Variants in JPH1 observed in about 807,000 individuals in gnomAD.
The protein encoded by JPH1 is junctophilin 1, also known as junctophilin-1.
A neutral mutation model predicts 53.6 loss-of-function variants in JPH1; 12 were observed. The ratio of observed to expected loss-of-function variants is 0.22; its 90% CI spans 0.14 to 0.36. The LOEUF is 0.36. Ranked by LOEUF, JPH1 falls within the 10% of genes least tolerant of loss-of-function variation. JPH1 has a pLI of 1.00. For synonymous variants in JPH1, 375 were observed against 363.8 expected, an observed-to-expected ratio of 1.03 and a Z score of -0.35; for missense variants, 808 against 905.5, an observed-to-expected ratio of 0.89 and a Z score of 1.38.
Position 74,315,266 on chromosome 8 carries a change from A to G in JPH1, c.734T>C (p.Met245Thr). 1.2e-6 allele frequency: 2 copies of G among 1,614,166 alleles called. No homozygotes were observed. The highest frequency in any genetic ancestry group is 1.7e-5 in the Admixed American group (1 of 60,032). ...KRSSVRSDAA[M>T]SRISSSDANS... ...GGCATCGCTGGAACTAATTCTGCTC[A>G]TGGCCGCGTCGCTGCGGACAGAGCT... is the stretch of plus-strand genomic sequence containing the variant. Residue 245 changes from methionine to threonine, a missense_variant, in exon 2 of 6, where the codon ATG becomes ACG. Around this residue, in one of 2 missense-constraint regions of JPH1, gnomAD observed 756 missense variants for 811.9 expected, o/e 0.93. Coordinates refer to ENST00000342232, the MANE Select transcript of JPH1 (RefSeq NM_020647.4). This position sits in a 1 kb window ranked among gnomAD's most constrained non-coding sequence, Gnocchi z 6.3.
chr8:74,294,898 G>A (rs1228130371), intron 2 of JPH1, among the ~76,000 whole-genome samples: 1 of 152,204 alleles, frequency 6.6e-6, no homozygotes, highest in East Asian at 1.9e-4. Flanking sequence ...GCTGATGAGG[G>A]AGCCTGAGAC....
In JPH1 at chr8:74,245,166, T is replaced by G; in HGVS notation, c.1268A>C (p.Tyr423Ser). The change falls in exon 4 of 6, where the codon TAC (tyrosine) becomes TCC (serine). Residue 423 changes from tyrosine (Y) to serine (S), a missense_variant. Transcript: ENST00000342232. Reference sequence around the variant, plus strand: ...ACCTTCCTGAAATCTCTGTTTGACGTAATCAGGGCCTGGCCAAAAAAAAAA... The same window carrying G: ...ACCTTCCTGAAATCTCTGTTTGACGGAATCAGGGCCTGGCCAAAAAAAAAA... ...SPDFYQPGPD[Y>S]VKQRFQEGVD... The G allele has an allele frequency of 6.4e-7, 1 of 1,570,782 alleles. No individual in the cohort carries two copies.
intron 2 of JPH1, among the ~76,000 whole-genome samples, chr8:74,285,563 C>CA (rs1807139510): frequency 6.6e-6 from 1 of 152,112 alleles, no homozygotes; most frequent in Non-Finnish European, 1.5e-5. Flanking sequence ...AATTTAGTGT[C>CA]AAAACTTGAC....
intron 2 of JPH1, among the ~76,000 whole-genome samples, chr8:74,294,408 G>A (rs1182279492): frequency 6.6e-6 from 1 of 152,196 alleles, no homozygotes; most frequent in African/African-American, 2.4e-5. Context: ...GCCACGGTGA[G>A]GAAACAGGGC....
chr8:74,235,562 C>G lies in JPH1; in HGVS notation c.*1489G>C, dbSNP rs1029230097. 6.6e-6 allele frequency: 1 copy of G among 152,336 alleles called. No individual in the cohort carries two copies. Among genetic ancestry groups the G allele is most frequent in the South Asian group, 2.1e-4 (1 of 4,820 alleles). 9.4% of individuals were successfully genotyped at this position (152,336 alleles called of 1,614,324 possible). Reference sequence around the variant, plus strand: ...TGAAAATATTTAGGAGTAGCTCCCCCTCTGCAATGTAATGTTTTATAAAGA... The same window carrying G: ...TGAAAATATTTAGGAGTAGCTCCCCGTCTGCAATGTAATGTTTTATAAAGA... On this transcript the variant is annotated 3_prime_UTR_variant, in exon 6 of 6. Coordinates refer to ENST00000342232, the MANE Select transcript of JPH1 (RefSeq NM_020647.4).
At chr8:74,245,418 A>C (rs1805829380) in intron 3 of JPH1, among the ~76,000 whole-genome samples, 1 of 152,208 alleles carries the variant, frequency 6.6e-6, no homozygotes, top group Admixed American at 6.5e-5. Context: ...TGCAGAATAC[A>C]GAGGCAAAAT....
intron 2 of JPH1, among the ~76,000 whole-genome samples, chr8:74,304,130 C>T (rs886439027): frequency 1.3e-5 from 2 of 152,236 alleles, no homozygotes; most frequent in African/African-American, 2.4e-5. Flanking sequence ...CCTTCCTATG[C>T]GTTACCTAAG....
chr8:74,300,802 C>T (rs1398551766), intron 2 of JPH1, among the ~76,000 whole-genome samples: 1 of 152,142 alleles, frequency 6.6e-6, no homozygotes, highest in African/African-American at 2.4e-5. Flanking sequence ...GAGATCCAAA[C>T]TCAGGTTTTC....
chr8:74,315,301 C>A lies in JPH1; in HGVS notation c.699G>T (p.Ser233=). The A allele has an allele frequency of 6.2e-7, 1 of 1,614,016 alleles. No individual in the cohort carries two copies. The highest frequency in any genetic ancestry group is 8.5e-7 in the Non-Finnish European group (1 of 1,180,034). The change falls in exon 2 of 6, where the codon TCG becomes TCT. Residue 233 remains serine (S), a synonymous_variant. Transcript: ENST00000342232. This position sits in a 1 kb window ranked among gnomAD's most constrained non-coding sequence, Gnocchi z 6.3. ...LRKSESKSSI[S]SKRSSVRSDA... is the part of the protein sequence containing the mutation. ...CGCTGCGGACAGAGCTGCGCTTGCT[C>A]GAGATGGAAGACTTGGATTCGGACT...
intron 2 of JPH1, among the ~76,000 whole-genome samples, chr8:74,290,588 T>C (rs1230154497): frequency 6.6e-6 from 1 of 152,170 alleles, no homozygotes; most frequent in African/African-American, 2.4e-5. Context: ...GCCATCCCCA[T>C]CAAGCTACCA....
chr8:74,313,639 G>A (rs1808057890), intron 2 of JPH1, among the ~76,000 whole-genome samples: 1 of 151,120 alleles, frequency 6.6e-6, no homozygotes, highest in Admixed American at 6.6e-5. Flanking sequence ...TTGAACATTG[G>A]AAATTTCATA....
intron 2 of JPH1, among the ~76,000 whole-genome samples, chr8:74,292,771 A>G (rs555933204): frequency 2.0e-5 from 3 of 152,220 alleles, no homozygotes; most frequent in Non-Finnish European, 1.5e-5. Flanking sequence ...CATATGAGGT[A>G]GCAACACAGA....
Position 74,282,146 on chromosome 8 carries a change from A to G in JPH1, c.1140-22643T>C, listed in dbSNP as rs552987349. 2.6e-5 allele frequency among the ~76,000 whole-genome samples: 4 copies of G among 152,312 alleles called. No homozygotes were observed. The East Asian group carries it at 5.8e-4, about 22-fold the overall frequency. ...GAAGACACCAAGGATCAGGGAAGTT[A>G]ATTTACTTGCCCAAGTTGGAGTCAA... On this transcript the variant is annotated intron_variant, in intron 2 of 5. Coordinates refer to ENST00000342232, the MANE Select transcript of JPH1 (RefSeq NM_020647.4).
intron 2 of JPH1, among the ~76,000 whole-genome samples, chr8:74,260,708 A>G (rs753139408): frequency 1.3e-5 from 2 of 152,090 alleles, no homozygotes; most frequent in Non-Finnish European, 1.5e-5. Flanking sequence ...CTGGGACCAA[A>G]ACACGGAGGC....
intron 2 of JPH1, among the ~76,000 whole-genome samples, chr8:74,303,588 T>G (rs1469781031): frequency 1.3e-5 from 2 of 152,090 alleles, no homozygotes; most frequent in African/African-American, 4.8e-5. Context: ...CAGATAACTA[T>G]TTTTTTATTT....
intron 3 of JPH1, among the ~76,000 whole-genome samples, chr8:74,247,918 C>G (rs898669099): frequency 6.6e-6 from 1 of 152,106 alleles, no homozygotes; most frequent in Non-Finnish European, 1.5e-5. Context: ...TCCTAGTGAC[C>G]TTCAGCACCA....
chr8:74,308,284 A>G (rs1457388818), intron 2 of JPH1, among the ~76,000 whole-genome samples: 2 of 152,210 alleles, frequency 1.3e-5, no homozygotes, highest in Admixed American at 1.3e-4. Flanking sequence ...AAGAATGGAA[A>G]TAACAGTTTG....
intron 2 of JPH1, among the ~76,000 whole-genome samples, chr8:74,292,949 G>A (rs1807381563): frequency 6.6e-6 from 1 of 152,182 alleles, no homozygotes; most frequent in Admixed American, 6.5e-5. Context: ...TTTTAAAAAG[G>A]AAGCCTCCAT....
intron 3 of JPH1, among the ~76,000 whole-genome samples, chr8:74,258,824 A>G (rs551752580): frequency 6.6e-6 from 1 of 152,210 alleles, no homozygotes; most frequent in Non-Finnish European, 1.5e-5. Context: ...GGTCATATGT[A>G]GAGGGGAGGA....
Sources: allele counts gnomAD v4.1 joint callset (sites outside exome capture counted in the v4.1 genomes callset), GRCh38; gene constraint gnomAD v4.1.1; regional missense constraint gnomAD v4.1.1; non-coding constraint Gnocchi (gnomAD v3.1); transcripts MANE v1.5; gene names NCBI Gene and HGNC (gene_info 2026-07-23, HGNC 2026-07-21).